Variants in NRG3 observed in about 807,000 individuals in gnomAD.
NRG3 encodes neuregulin 3, also known as pro-neuregulin-3, membrane-bound isoform.
Under a neutral mutation model 66.9 loss-of-function variants are expected in NRG3, and 31 were observed. The ratio of observed to expected loss-of-function variants is 0.46; its 90% CI spans 0.35 to 0.63. The LOEUF (loss-of-function observed/expected upper bound fraction) is 0.63. Ranked by LOEUF, NRG3 falls within the 20% of genes least tolerant of loss-of-function variation. The probability of loss-of-function intolerance (pLI) is 0.00; values close to 1 mark genes in which losing one functional copy is unlikely to be tolerated. For synonymous variants in NRG3, 393 were observed against 359.4 expected (o/e 1.09, Z -1.06); for missense variants, 910 against 878.9 (o/e 1.04, Z -0.45).
At chr10:82,190,056 G>A (rs1027779052) in intron 1 of NRG3, among the ~76,000 whole-genome samples, 1 of 152,142 alleles carries the variant, frequency 6.6e-6, no homozygotes, top group Non-Finnish European at 1.5e-5. Context: ...ATGCAGTTCA[G>A]AACGGGGTCT....
At chr10:82,038,733 A>G (rs1012701150) in intron 1 of NRG3, among the ~76,000 whole-genome samples, 1 of 152,064 alleles carries the variant, frequency 6.6e-6, no homozygotes, top group African/African-American at 2.4e-5. Flanking sequence ...TGCTTCTGGG[A>G]CTACCACCTG....
intron 1 of NRG3, among the ~76,000 whole-genome samples, chr10:81,972,607 T>G (rs2059971283): frequency 6.6e-6 from 1 of 152,054 alleles, no homozygotes; most frequent in Non-Finnish European, 1.5e-5. Context: ...ATAGAAACTA[T>G]CATGAAATAA....
chr10:82,055,371 G>A (rs2133178719), intron 1 of NRG3, among the ~76,000 whole-genome samples: 1 of 151,726 alleles, frequency 6.6e-6, no homozygotes, highest in African/African-American at 2.4e-5. Context: ...CAGCTACTCG[G>A]GAGGCTGAGG....
At chr10:82,253,293 A>G (rs1049880867) in intron 1 of NRG3, among the ~76,000 whole-genome samples, 2 of 152,264 alleles carry the variant, frequency 1.3e-5, no homozygotes, top group East Asian at 1.9e-4. Flanking sequence ...CTTGGATGCC[A>G]TGATTCCAGC....
intron 2 of NRG3, among the ~76,000 whole-genome samples, chr10:82,702,670 A>G (rs548132759): frequency 3.9e-4 from 60 of 152,274 alleles, no homozygotes; most frequent in African/African-American, 1.4e-3. Flanking sequence ...GTGAATTCCA[A>G]CTGGCACAAG....
chr10:82,550,734 A>G (rs2044251394), intron 2 of NRG3, among the ~76,000 whole-genome samples: 2 of 152,192 alleles, frequency 1.3e-5, no homozygotes. Flanking sequence ...AAACCTATGG[A>G]AATAATGAAG....
At chr10:81,888,807 G>T (rs141624879) in intron 1 of NRG3, among the ~76,000 whole-genome samples, 95 of 152,266 alleles carry the variant, frequency 6.2e-4, no homozygotes, top group Non-Finnish European at 1.1e-3. Context: ...GGGTTGCAAG[G>T]AAGTGATACA....
chr10:81,958,031 T>TG (rs1308728740), intron 1 of NRG3, among the ~76,000 whole-genome samples: 2 of 152,212 alleles, frequency 1.3e-5, no homozygotes, highest in Non-Finnish European at 2.9e-5. Context: ...TACTAGGGGT[T>TG]GTTAACACTT....
At chr10:82,482,953 G>A (rs796494268) in intron 2 of NRG3, among the ~76,000 whole-genome samples, 1 of 152,150 alleles carries the variant, frequency 6.6e-6, no homozygotes, top group South Asian at 2.1e-4. Flanking sequence ...CTGTAGACAA[G>A]CATCAAGTTT....
chr10:82,540,748 G>C (rs553768928), intron 2 of NRG3, among the ~76,000 whole-genome samples: 81 of 152,250 alleles, frequency 5.3e-4, no homozygotes, highest in African/African-American at 1.9e-3. Flanking sequence ...AAGATTGACA[G>C]CATATGGAAA....
intron 1 of NRG3, among the ~76,000 whole-genome samples, chr10:82,158,920 G>C (rs1474793234): frequency 6.6e-6 from 1 of 151,786 alleles, no homozygotes; most frequent in Non-Finnish European, 1.5e-5. Flanking sequence ...TTCAGATGAA[G>C]GTGTGAAAAA....
intron 6 of NRG3, among the ~76,000 whole-genome samples, chr10:82,961,565 C>T (rs1564669524): frequency 6.6e-6 from 1 of 152,146 alleles, no homozygotes; most frequent in Non-Finnish European, 1.5e-5. Context: ...GGCAATTTGC[C>T]CACCATCCCT....
intron 1 of NRG3, among the ~76,000 whole-genome samples, chr10:82,000,771 T>C (rs1158452022): frequency 6.6e-6 from 1 of 152,190 alleles, no homozygotes; most frequent in Non-Finnish European, 1.5e-5. Flanking sequence ...ATTTACTTAA[T>C]AGGCAGCTTG....
chr10:82,067,482 A>G (rs1476084778), intron 1 of NRG3, among the ~76,000 whole-genome samples: 1 of 152,044 alleles, frequency 6.6e-6, no homozygotes, highest in Non-Finnish European at 1.5e-5. Context: ...CAAGTAGCTG[A>G]GATTACAGGT....
At chr10:82,151,647 A>G (rs1379573522) in intron 1 of NRG3, among the ~76,000 whole-genome samples, 1 of 152,144 alleles carries the variant, frequency 6.6e-6, no homozygotes, top group African/African-American at 2.4e-5. Flanking sequence ...TATCTAATAA[A>G]GCTTTATTCT....
intron 2 of NRG3, among the ~76,000 whole-genome samples, chr10:82,406,179 G>A (rs550054163): frequency 6.6e-6 from 1 of 152,280 alleles, no homozygotes; most frequent in Admixed American, 6.5e-5. Context: ...TTTCTGCATA[G>A]CAATTATATT....
At position 82,142,327 on chromosome 10, in the gene NRG3, C is replaced by T. The variant is rs528303108; in HGVS notation, c.824-216412C>T. The stretch of plus-strand genomic sequence containing the variant: ...GGAAAACAAACCAACAAACAAACAG[C>T]AAGAAGGAGTGGTTGAAATAGCAAA... On this transcript the variant is annotated intron_variant, in intron 1 of 8. Transcript: ENST00000372141. 2.0e-5 allele frequency among the ~76,000 whole-genome samples: 3 copies of T among 152,218 alleles called. No individual in the cohort carries two copies. In the South Asian group the frequency reaches 6.2e-4, roughly 32 times the overall value.
intron 2 of NRG3, among the ~76,000 whole-genome samples, chr10:82,720,342 A>T (rs1458011833): frequency 6.6e-6 from 1 of 151,968 alleles, no homozygotes; most frequent in African/African-American, 2.4e-5. Flanking sequence ...GTGAGCTGAG[A>T]TTGCGCCACT....
intron 1 of NRG3, among the ~76,000 whole-genome samples, chr10:82,005,701 A>C (rs951054480): frequency 2.0e-5 from 3 of 152,136 alleles, no homozygotes; most frequent in African/African-American, 7.2e-5. Context: ...TAAACTTCTT[A>C]ATGGAATGTA....
Sources: gnomAD v4.1 joint callset for allele counts (sites outside exome capture counted in the v4.1 genomes callset) on GRCh38, gnomAD v4.1.1 for gene constraint, MANE v1.5 for transcripts, NCBI Gene and HGNC (gene_info 2026-07-23, HGNC 2026-07-21) for gene names.